NALF1: variants seen among roughly 807,000 people sequenced by gnomAD.
The protein encoded by NALF1 is family with sequence similarity 155 member A.
Under a neutral mutation model 48.4 loss-of-function variants are expected in NALF1, and 3 were observed. The observed-to-expected ratio is 0.06, with a 90% CI of 0.03 to 0.16. The LOEUF (loss-of-function observed/expected upper bound fraction) is 0.16, where lower values mean the gene tolerates loss of function less well. NALF1 is among the 10% of genes least tolerant of loss of function. The pLI is 1.00. For missense variants in NALF1, 526 were observed against 571.5 expected (o/e 0.92, Z 0.81); for synonymous variants, 262 against 245.7 (o/e 1.07, Z -0.62).
chr13:107,422,894 G>T (rs1047297100), intron 1 of NALF1, among the ~76,000 whole-genome samples: 1 of 152,132 alleles, frequency 6.6e-6, no homozygotes, highest in Non-Finnish European at 1.5e-5. Flanking sequence ...GGGGCCACAA[G>T]CCAAGGAACA....
At chr13:107,215,230 T>G (rs1879847660) in intron 1 of NALF1, among the ~76,000 whole-genome samples, 1 of 152,256 alleles carries the variant, frequency 6.6e-6, no homozygotes, top group Non-Finnish European at 1.5e-5. Context: ...CACTTGAGTA[T>G]TATTCATTCC....
chr13:107,707,124 G>GT (rs1566451404), intron 1 of NALF1, among the ~76,000 whole-genome samples: 1 of 151,102 alleles, frequency 6.6e-6, no homozygotes. Flanking sequence ...GGGTTTCACC[G>GT]TTTTAGCCGG....
At chr13:107,607,182 C>T (rs1326776057) in intron 1 of NALF1, among the ~76,000 whole-genome samples, 3 of 151,960 alleles carry the variant, frequency 2.0e-5, no homozygotes, top group Non-Finnish European at 2.9e-5. Context: ...CAATCCAGGT[C>T]GAAGACAAAA....
At chr13:107,250,433 A>T (rs952135454) in intron 1 of NALF1, among the ~76,000 whole-genome samples, 2 of 152,128 alleles carry the variant, frequency 1.3e-5, no homozygotes, top group Non-Finnish European at 2.9e-5. Context: ...AAACAAAGGT[A>T]TTAGAGAAGA....
intron 1 of NALF1, among the ~76,000 whole-genome samples, chr13:107,566,060 A>G (rs1233526937): frequency 1.3e-5 from 2 of 152,206 alleles, no homozygotes; most frequent in East Asian, 1.9e-4. Context: ...CTCAAACATC[A>G]TAAGTTATAA....
At chr13:107,732,627 C>T (rs1187693921) in intron 1 of NALF1, among the ~76,000 whole-genome samples, 1 of 152,120 alleles carries the variant, frequency 6.6e-6, no homozygotes, top group East Asian at 1.9e-4. Context: ...ATATCTAGGG[C>T]ATATGTGTCA....
chr13:107,358,561 G>A (rs1883004708), intron 1 of NALF1, among the ~76,000 whole-genome samples: 1 of 152,144 alleles, frequency 6.6e-6, no homozygotes, highest in Non-Finnish European at 1.5e-5. Flanking sequence ...AGGCCTCATT[G>A]TGTAAGACGG....
chr13:107,180,165 T>C (rs1251311771), intron 2 of NALF1, among the ~76,000 whole-genome samples: 1 of 151,686 alleles, frequency 6.6e-6, no homozygotes, highest in South Asian at 2.1e-4. Context: ...TTAAAGAACA[T>C]CTATTTTAAA....
chr13:107,588,595 GCTGT>G (rs746404285), intron 1 of NALF1, among the ~76,000 whole-genome samples: 2 of 152,222 alleles, frequency 1.3e-5, no homozygotes, highest in South Asian at 2.1e-4. Flanking sequence ...CTGTAAATCT[GCTGT>G]CTGTGAGTGT....
intron 1 of NALF1, among the ~76,000 whole-genome samples, chr13:107,805,359 T>C (rs531251427): frequency 3.0e-4 from 45 of 152,318 alleles, no homozygotes; most frequent in African/African-American, 1.1e-3. Flanking sequence ...ATCAATGCTA[T>C]CAGTACTTGT....
intron 1 of NALF1, among the ~76,000 whole-genome samples, chr13:107,715,374 G>A (rs1255030626): frequency 6.6e-6 from 1 of 151,984 alleles, no homozygotes; most frequent in Non-Finnish European, 1.5e-5. Context: ...GGCTAATTTT[G>A]TATTTTTAGT....
intron 1 of NALF1, among the ~76,000 whole-genome samples, chr13:107,409,276 G>C (rs716504): frequency 0.41 from 62,527 of 152,052 alleles, 13,643 homozygotes; most frequent in African/African-American, 0.57. Context: ...CTAGATGTTG[G>C]AGATACAATG....
chr13:107,511,900 T>C (rs549924415), intron 1 of NALF1, among the ~76,000 whole-genome samples: 111 of 152,340 alleles, frequency 7.3e-4, no homozygotes, highest in African/African-American at 2.5e-3. Context: ...GCATTTTGAA[T>C]ACCTGAAAGC....
intron 1 of NALF1, among the ~76,000 whole-genome samples, chr13:107,487,050 C>A (rs567562799): frequency 6.6e-6 from 1 of 152,144 alleles, no homozygotes; most frequent in East Asian, 1.9e-4. Flanking sequence ...CGAATTCCTC[C>A]GTGCAGCTTC....
chr13:107,599,547 T>C (rs1391884741), intron 1 of NALF1, among the ~76,000 whole-genome samples: 5 of 152,250 alleles, frequency 3.3e-5, no homozygotes, highest in Admixed American at 6.5e-5. Flanking sequence ...CCCATTTTTC[T>C]ACATTTCAGC....
At chr13:107,691,218 G>T (rs1167653270) in intron 1 of NALF1, among the ~76,000 whole-genome samples, 1 of 152,164 alleles carries the variant, frequency 6.6e-6, no homozygotes, top group Non-Finnish European at 1.5e-5. Context: ...CCAGCAAATG[G>T]CCAGAAGCCT....
intron 1 of NALF1, among the ~76,000 whole-genome samples, chr13:107,653,164 G>A (rs1594185841): frequency 6.7e-6 from 1 of 150,216 alleles, no homozygotes; most frequent in East Asian, 1.9e-4. Flanking sequence ...ACATTCGAAG[G>A]AAAAACAATC....
chr13:107,777,807 G>A (rs552908395), intron 1 of NALF1, among the ~76,000 whole-genome samples: 1 of 152,036 alleles, frequency 6.6e-6, no homozygotes. Flanking sequence ...GTAAATTATA[G>A]GAAAGGAAGA....
At chr13:107,800,414 A>C (rs1480446211) in intron 1 of NALF1, among the ~76,000 whole-genome samples, 1 of 151,854 alleles carries the variant, frequency 6.6e-6, no homozygotes, top group Non-Finnish European at 1.5e-5. Flanking sequence ...AAGTAAAATG[A>C]ATTTAAATAT....
Sources: allele counts gnomAD v4.1 joint callset (sites outside exome capture counted in the v4.1 genomes callset), GRCh38; gene constraint gnomAD v4.1.1; transcripts MANE v1.5; gene names NCBI Gene and HGNC (gene_info 2026-07-23, HGNC 2026-07-21).